CMSS1: variants seen among roughly 807,000 people sequenced by gnomAD.
The protein encoded by CMSS1 is cms1 ribosomal small subunit homolog, also known as protein CMSS1.
Under a neutral mutation model 43.5 loss-of-function variants are expected in CMSS1, and 33 were observed. The ratio of observed to expected loss-of-function variants is 0.76; its 90% CI spans 0.57 to 1.01. CMSS1 has a LOEUF of 1.01. Ranked by LOEUF, CMSS1 falls within the 50% of genes least tolerant of loss-of-function variation. The probability of loss-of-function intolerance (pLI) is 0.00; values close to 1 mark genes in which losing one functional copy is unlikely to be tolerated. For missense variants in CMSS1, 313 were observed against 326.4 expected (o/e 0.96, Z 0.32); for synonymous variants, 115 against 117.2 (o/e 0.98, Z 0.12).
At chr3:100,148,305 C>G (rs146373800) in intron 2 of CMSS1, among the ~76,000 whole-genome samples, 1 of 152,166 alleles carries the variant, frequency 6.6e-6, no homozygotes, top group South Asian at 2.1e-4. Context: ...TCTCGAACTT[C>G]TGGGCTCAAG....
rs200055653 is a variant in CMSS1 at position 100,102,144 on chromosome 3, G to C, written c.65-44829G>C. Among the ~76,000 whole-genome samples, 9 of 152,138 alleles carry C rather than the reference G, an allele frequency of 5.9e-5. No homozygotes were observed. The East Asian group carries it at 1.5e-3, about 26-fold the overall frequency. On this transcript the variant is annotated intron_variant, in intron 1 of 9. Transcript: ENST00000421999. Reference sequence around the variant, plus strand: ...CCTTTGGGTATATACCCAGTAATGGGATTGCTGGGTCAAATGGTATTTCTA... The same window carrying C: ...CCTTTGGGTATATACCCAGTAATGGCATTGCTGGGTCAAATGGTATTTCTA...
chr3:100,139,688 C>T (rs1468077632), intron 1 of CMSS1, among the ~76,000 whole-genome samples: 1 of 149,002 alleles, frequency 6.7e-6, no homozygotes, highest in Non-Finnish European at 1.5e-5. Flanking sequence ...TCCCAGCTAC[C>T]CAGGAGGCTG....
intron 1 of CMSS1, among the ~76,000 whole-genome samples, chr3:99,948,432 T>C (rs1021307874): frequency 4.0e-5 from 6 of 150,858 alleles, no homozygotes; most frequent in Non-Finnish European, 7.4e-5. Context: ...CATCTACTCG[T>C]GAGGCTGAGG....
intron 1 of CMSS1, among the ~76,000 whole-genome samples, chr3:99,937,814 T>C (rs756901146): frequency 2.6e-5 from 4 of 152,220 alleles, no homozygotes; most frequent in Non-Finnish European, 5.9e-5. Flanking sequence ...GAGAATCTAC[T>C]GAAGTAGCTG....
chr3:99,911,022 G>T (rs928776443), intron 1 of CMSS1, among the ~76,000 whole-genome samples: 3 of 152,044 alleles, frequency 2.0e-5, no homozygotes, highest in Non-Finnish European at 4.4e-5. Context: ...TTTCCAGTTG[G>T]TTATATCTCA....
At chr3:99,970,257 A>G (rs1708774162) in intron 1 of CMSS1, among the ~76,000 whole-genome samples, 1 of 152,224 alleles carries the variant, frequency 6.6e-6, no homozygotes, top group Non-Finnish European at 1.5e-5. Context: ...TTTGGAGCTC[A>G]GTTTCAGACC....
chr3:99,878,382 G>A (rs891360623), intron 1 of CMSS1, among the ~76,000 whole-genome samples: 15 of 152,200 alleles, frequency 9.9e-5, no homozygotes, highest in African/African-American at 3.6e-4. Flanking sequence ...AGGCTAAAGT[G>A]GCTTGACCAA....
At chr3:100,162,558 A>AAAGTGCTGGGATTATAG in intron 4 of CMSS1, 126 bp downstream of exon 4, 2 of 1,017,418 alleles carry the variant, frequency 2.0e-6, no homozygotes, top group South Asian at 1.7e-5. Flanking sequence ...CTATAATCCC[A>AAAGTGCTGGGATTATAG]GCACTTTGGG....
chr3:100,114,398 T>G (rs2066537990), intron 1 of CMSS1: 1 of 152,394 alleles, frequency 6.6e-6, no homozygotes, highest in African/African-American at 2.4e-5. Flanking sequence ...AGAAAGGTTC[T>G]AACTGGACTG....
intron 1 of CMSS1, among the ~76,000 whole-genome samples, chr3:100,042,269 G>A (rs892940579): frequency 2.6e-5 from 4 of 152,158 alleles, no homozygotes; most frequent in Non-Finnish European, 2.9e-5. Context: ...CAGTCACAGA[G>A]CTTAGTGCTG....
chr3:99,847,924 A>T, intron 1 of CMSS1: 2 of 992,308 alleles, frequency 2.0e-6, no homozygotes, highest in Non-Finnish European at 2.4e-6. Context: ...TCAGCAAGCA[A>T]TGGTAAAAAT....
chr3:100,123,955 G>A (rs913597531), intron 1 of CMSS1, among the ~76,000 whole-genome samples: 3 of 152,138 alleles, frequency 2.0e-5, no homozygotes, highest in African/African-American at 7.2e-5. Flanking sequence ...CTAGTGGTCT[G>A]GGTAGAGAGG....
At chr3:100,122,670 C>A (rs1271985855) in intron 1 of CMSS1, among the ~76,000 whole-genome samples, 1 of 152,156 alleles carries the variant, frequency 6.6e-6, no homozygotes, top group African/African-American at 2.4e-5. Flanking sequence ...AAGGACTAAC[C>A]CCTCTCCCCC....
rs532001099 is a variant in CMSS1 at position 100,178,643 on chromosome 3, C to T, written c.*255C>T. 2.8e-6 allele frequency: 1 copy of T among 359,958 alleles called. No individual in the cohort carries two copies. Among genetic ancestry groups the T allele is most frequent in the Non-Finnish European group, 5.1e-6 (1 of 195,676 alleles). The allele number at this position is 359,958 out of a possible 1,614,324, so 22.3% of individuals were successfully genotyped here. A position where few individuals can be genotyped will look rare whatever the true frequency, so the allele number is the denominator to read the frequency against. ...ACCGTGTTTTTCTGTCACCAACTGG[C>T]TTCTGATGTAACTGTGCAGGAGAAA... On this transcript the variant is annotated 3_prime_UTR_variant, in exon 10 of 10. Transcript: ENST00000421999.
At chr3:99,910,938 A>T (rs1289070229) in intron 1 of CMSS1, among the ~76,000 whole-genome samples, 2 of 152,170 alleles carry the variant, frequency 1.3e-5, no homozygotes, top group South Asian at 2.1e-4. Context: ...GGATGAAGAG[A>T]TGGAGACTGG....
chr3:99,867,825 TA>T (rs1413191457), intron 1 of CMSS1, among the ~76,000 whole-genome samples: 1 of 152,188 alleles, frequency 6.6e-6, no homozygotes, highest in Non-Finnish European at 1.5e-5. Context: ...TGGAAAACCG[TA>T]ATTGGAATTC....
chr3:99,935,265 CA>C (rs34961153), intron 1 of CMSS1, among the ~76,000 whole-genome samples: 47 of 143,790 alleles, frequency 3.3e-4, no homozygotes, highest in Non-Finnish European at 2.3e-4. Flanking sequence ...TTCAGGGTAC[CA>C]AAAAAAAAAA....
chr3:99,978,817 G>A lies in CMSS1; in HGVS notation c.64+160774G>A, dbSNP rs138339999. Reference sequence around the variant, plus strand: ...CGAGAGTCACTTGAACCCAGGAGGCGGAGGCTGCAGTGAGCTGAGATTACA... The same window carrying A: ...CGAGAGTCACTTGAACCCAGGAGGCAGAGGCTGCAGTGAGCTGAGATTACA... On this transcript the variant is annotated intron_variant, in intron 1 of 9. Transcript: ENST00000421999. Among the ~76,000 whole-genome samples the A allele has an allele frequency of 6.6e-5, 10 of 152,104 alleles. No homozygotes were observed. The East Asian group carries it at 1.9e-3, about 29-fold the overall frequency.
At chr3:100,106,922 A>G (rs2066406078) in intron 1 of CMSS1, among the ~76,000 whole-genome samples, 1 of 152,188 alleles carries the variant, frequency 6.6e-6, no homozygotes, top group African/African-American at 2.4e-5. Context: ...AAACTCTGAG[A>G]AAAATATTTT....
Sources: gnomAD v4.1 joint callset for allele counts (sites outside exome capture counted in the v4.1 genomes callset) on GRCh38, gnomAD v4.1.1 for gene constraint, MANE v1.5 for transcripts, NCBI Gene and HGNC (gene_info 2026-07-23, HGNC 2026-07-21) for gene names.